Variants in ATXN1 observed in about 807,000 individuals in gnomAD.
The protein encoded by ATXN1 is ataxin 1, also known as ataxin-1.
ATXN1 carries 8 observed loss-of-function variants against 56.4 expected under a neutral mutation model. The observed-to-expected ratio is 0.14, with a 90% CI of 0.08 to 0.26. The LOEUF is 0.26. ATXN1 is among the 10% of genes least tolerant of loss of function. The probability of loss-of-function intolerance (pLI) is 1.00; values close to 1 mark genes in which losing one functional copy is unlikely to be tolerated. For synonymous variants in ATXN1, 514 were observed against 494.6 expected (o/e 1.04, Z -0.52); for missense variants, 987 against 1,106.5 (o/e 0.89, Z 1.53).
chr6:16,655,716 T>A (rs1027633364), intron 3 of ATXN1, among the ~76,000 whole-genome samples: 16 of 151,482 alleles, frequency 1.1e-4, no homozygotes, highest in East Asian at 3.9e-4. Context: ...ATAAATAAAT[T>A]AAAATTAAAT....
intron 5 of ATXN1, among the ~76,000 whole-genome samples, chr6:16,514,845 TG>T (rs535853604): frequency 1.4e-4 from 22 of 151,850 alleles, no homozygotes; most frequent in Non-Finnish European, 2.4e-4. Context: ...TAGCCAGGCG[TG>T]GTGGTGGGAG....
At chr6:16,417,031 T>C (rs756650358) in intron 6 of ATXN1, among the ~76,000 whole-genome samples, 1 of 152,170 alleles carries the variant, frequency 6.6e-6, no homozygotes, top group African/African-American at 2.4e-5. Context: ...CCCTAAGATA[T>C]TATTTTATTT....
At chr6:16,510,085 T>G (rs1206557853) in intron 5 of ATXN1, among the ~76,000 whole-genome samples, 1 of 152,250 alleles carries the variant, frequency 6.6e-6, no homozygotes, top group Non-Finnish European at 1.5e-5. Context: ...GTTTTTACTT[T>G]TATATACAGT....
At chr6:16,664,409 C>T (rs988899521) in intron 2 of ATXN1, among the ~76,000 whole-genome samples, 26 of 151,936 alleles carry the variant, frequency 1.7e-4, no homozygotes, top group African/African-American at 6.3e-4. Context: ...AGAGGGCAGC[C>T]CATATCATAT....
chr6:16,607,120 C>A (rs973900985), intron 3 of ATXN1, among the ~76,000 whole-genome samples: 2 of 151,884 alleles, frequency 1.3e-5, no homozygotes, highest in Non-Finnish European at 2.9e-5. Flanking sequence ...GTGATCCACC[C>A]GCCTTGGCCT....
intron 4 of ATXN1, among the ~76,000 whole-genome samples, chr6:16,575,518 A>C (rs1339360189): frequency 6.6e-6 from 1 of 152,154 alleles, no homozygotes; most frequent in Non-Finnish European, 1.5e-5. Flanking sequence ...ATATTCTACC[A>C]TTTCAGAGCA....
chr6:16,581,443 C>G (rs184768177), intron 4 of ATXN1, among the ~76,000 whole-genome samples: 5 of 151,950 alleles, frequency 3.3e-5, no homozygotes, highest in South Asian at 2.1e-4. Flanking sequence ...AAAAATGCAG[C>G]CTTTACCAAA....
intron 3 of ATXN1, among the ~76,000 whole-genome samples, chr6:16,620,540 T>G (rs1313239162): frequency 6.6e-6 from 1 of 152,140 alleles, no homozygotes; most frequent in Non-Finnish European, 1.5e-5. Context: ...TATCCTAGGA[T>G]CCTAAGAAAT....
chr6:16,714,181 C>T (rs1352153510), intron 2 of ATXN1, among the ~76,000 whole-genome samples: 1 of 137,628 alleles, frequency 7.3e-6, no homozygotes, highest in Non-Finnish European at 1.6e-5. Flanking sequence ...AAACCACACA[C>T]CACACACACA....
In ATXN1 at chr6:16,299,275, CAAAG is replaced by C. The variant is rs1226677993; in HGVS notation, c.*7050_*7053del. On this transcript the variant is annotated 3_prime_UTR_variant, in exon 8 of 8. Coordinates refer to ENST00000436367, the MANE Select transcript of ATXN1 (RefSeq NM_001128164.2). ...TACCTAGAAAACCTGCAAGCACCATCAAAGAAAGGGACCATAAAATTCAATAAAC... is the reference window on the plus strand; with the variant it reads ...TACCTAGAAAACCTGCAAGCACCATCAAAGGGACCATAAAATTCAATAAAC... 1.3e-5 allele frequency: 2 copies of C among 152,662 alleles called. No homozygotes were observed. Among genetic ancestry groups the C allele is most frequent in the African/African-American group, 4.8e-5 (2 of 41,534 alleles). 9.5% of individuals were successfully genotyped at this position (152,662 alleles called of 1,614,324 possible). A position where few individuals can be genotyped will look rare whatever the true frequency, so the allele number is the denominator to read the frequency against.
chr6:16,307,052 T>C (rs1760268434), intron 7 of ATXN1, among the ~76,000 whole-genome samples, 193 bp from the exon 8 acceptor site: 1 of 152,194 alleles, frequency 6.6e-6, no homozygotes, highest in Admixed American at 6.5e-5. Flanking sequence ...CTCTTCTCTT[T>C]GGGTTGTACC....
intron 2 of ATXN1, among the ~76,000 whole-genome samples, chr6:16,697,556 T>C (rs1759189383): frequency 6.6e-6 from 1 of 152,208 alleles, no homozygotes; most frequent in South Asian, 2.1e-4. Flanking sequence ...TTTCTAAAGA[T>C]CTTTTTTTTC....
chr6:16,526,387 A>G (rs1167850365), intron 4 of ATXN1, among the ~76,000 whole-genome samples: 1 of 152,228 alleles, frequency 6.6e-6, no homozygotes, highest in African/African-American at 2.4e-5. Flanking sequence ...TTAACAGCAA[A>G]AAGTTGTTTT....
chr6:16,480,154 C>CAAAAA (rs60209783), intron 6 of ATXN1, among the ~76,000 whole-genome samples: 21 of 78,996 alleles, frequency 2.7e-4, no homozygotes, highest in Admixed American at 4.0e-4. Context: ...ACTTCATCTG[C>CAAAAA]AAAAAAAAAA....
At chr6:16,456,090 G>A (rs1203065759) in intron 6 of ATXN1, among the ~76,000 whole-genome samples, 1 of 152,156 alleles carries the variant, frequency 6.6e-6, no homozygotes, top group Admixed American at 6.5e-5. Flanking sequence ...CCACGCTGGG[G>A]AAGCTTTGTC....
chr6:16,678,476 C>T (rs776769241), intron 2 of ATXN1, among the ~76,000 whole-genome samples: 7 of 152,144 alleles, frequency 4.6e-5, no homozygotes, highest in Non-Finnish European at 1.0e-4. Flanking sequence ...GTTTGATATG[C>T]TATGCTCACA....
rs377356058 is a variant in ATXN1 at position 16,326,429 on chromosome 6, C to A, written c.1882G>T (p.Val628Leu). The A allele has an allele frequency of 6.2e-7, 1 of 1,614,002 alleles. No individual in the cohort carries two copies. The highest frequency in any genetic ancestry group is 1.1e-5 in the South Asian group (1 of 91,080). The stretch of plus-strand genomic sequence containing the variant: ...TGCTCCCCGACGGCGAACTGTATCA[C>A]GGCCACGCCCGGGCTATGGCTGTCT... Reference protein sequence around the residue: ...IEDSHSPGVAVIQFAVGEHRA... With the variant: ...IEDSHSPGVALIQFAVGEHRA... The change falls in exon 7 of 8, where the codon GTG (valine) becomes TTG (leucine). Residue 628 changes from valine to leucine, a missense_variant. Val to Leu is a conservative substitution (Grantham distance 32). This residue lies in a region of ATXN1 where 68 missense variants were observed against 118.1 expected (regional missense o/e 0.58). Coordinates refer to ENST00000436367, the MANE Select transcript of ATXN1 (RefSeq NM_001128164.2). This position sits in a 1 kb window ranked among gnomAD's most constrained non-coding sequence, Gnocchi z 6.6.
intron 6 of ATXN1, among the ~76,000 whole-genome samples, chr6:16,442,780 G>A (rs970585064): frequency 1.3e-5 from 2 of 152,208 alleles, no homozygotes; most frequent in Non-Finnish European, 2.9e-5. Context: ...GGGAGGCCAA[G>A]GCGGGTGGAT....
intron 4 of ATXN1, among the ~76,000 whole-genome samples, chr6:16,528,235 A>C (rs903514550): frequency 3.3e-5 from 5 of 149,932 alleles, no homozygotes; most frequent in Admixed American, 2.7e-4. Context: ...CGGGAGGTGG[A>C]GGTTGCAGAT....
Sources: allele counts gnomAD v4.1 joint callset (sites outside exome capture counted in the v4.1 genomes callset), GRCh38; gene constraint gnomAD v4.1.1; regional missense constraint gnomAD v4.1.1; non-coding constraint Gnocchi (gnomAD v3.1); transcripts MANE v1.5; gene names NCBI Gene and HGNC (gene_info 2026-07-23, HGNC 2026-07-21).